PRKRA: variants seen among roughly 807,000 people sequenced by gnomAD.
PRKRA encodes the protein protein activator of interferon induced protein kinase EIF2AK2.
A neutral mutation model predicts 32.4 loss-of-function variants in PRKRA; 22 were observed. The ratio of observed to expected loss-of-function variants is 0.68; its 90% CI spans 0.49 to 0.97. The LOEUF (loss-of-function observed/expected upper bound fraction) is 0.97. PRKRA is among the 50% of genes least tolerant of loss of function. The probability of loss-of-function intolerance (pLI) is 0.00; values close to 1 mark genes in which losing one functional copy is unlikely to be tolerated. For missense variants in PRKRA, 319 were observed against 375.6 expected (o/e 0.85, Z 1.25); for synonymous variants, 139 against 129.8 (o/e 1.07, Z -0.48).
rs1696893119 is a variant in PRKRA at position 178,436,314 on chromosome 2, A to G, written c.615T>C (p.Asn205=). The G allele has an allele frequency of 6.2e-7, 1 of 1,613,326 alleles. No individual in the cohort carries two copies. The highest frequency in any genetic ancestry group is 1.1e-5 in the South Asian group (1 of 91,072). ...TACATCCTAAAGAATGTCCTACTACATTTGTCTGAAAAACAGAGATGAAGA... is the reference window on the plus strand; with the variant it reads ...TACATCCTAAAGAATGTCCTACTACGTTTGTCTGAAAAACAGAGATGAAGA... ...ISPENHISLT[N]VVGHSLGCTW... is the part of the protein sequence containing the mutation. The change falls in exon 7 of 8, where the codon AAT becomes AAC. Residue 205 remains asparagine, a synonymous_variant. Coordinates refer to ENST00000325748, the MANE Select transcript of PRKRA (RefSeq NM_003690.5).
rs1006498767 is a variant in PRKRA at position 178,432,030 on chromosome 2, T to C, written c.*67A>G. On this transcript the variant is annotated 3_prime_UTR_variant, in exon 8 of 8. Coordinates refer to ENST00000325748, the MANE Select transcript of PRKRA (RefSeq NM_003690.5). ...GACATAAACACTACGGTAAAAGTTT[T>C]ACTTGGGAAGGGGCCAGAGGGGAAC... 4 of 1,550,770 alleles carry C rather than the reference T, an allele frequency of 2.6e-6. No individual in the cohort carries two copies. The highest frequency in any genetic ancestry group is 3.5e-6 in the Non-Finnish European group (4 of 1,127,270).
chr2:178,442,951 G>C (rs908149469), intron 5 of PRKRA, among the ~76,000 whole-genome samples: 6 of 152,072 alleles, frequency 3.9e-5, no homozygotes, highest in Non-Finnish European at 7.4e-5. Context: ...AAATCCAAGA[G>C]ATTTACTATA....
At chr2:178,450,931 C>G (rs752727016) in intron 1 of PRKRA, 35 bp downstream of exon 1, 3 of 903,904 alleles carry the variant, frequency 3.3e-6, no homozygotes, top group South Asian at 3.8e-5. Flanking sequence ...GCCCAACGCT[C>G]CCGGCCCTGG....
At chr2:178,440,189 A>G (rs1008746702) in intron 6 of PRKRA, 1 of 152,248 alleles carries the variant, frequency 6.6e-6, no homozygotes, top group Non-Finnish European at 1.5e-5. Context: ...TTCCAAAAGC[A>G]GTAAATGCAG....
At chr2:178,434,017 A>G (rs1382154546) in intron 7 of PRKRA, 3 of 152,144 alleles carry the variant, frequency 2.0e-5, no homozygotes, top group East Asian at 3.8e-4. Context: ...AGTCCTATTC[A>G]TGACATGGGT....
At chr2:178,436,637 T>G (rs1696910086) in intron 6 of PRKRA, among the ~76,000 whole-genome samples, 4 of 152,144 alleles carry the variant, frequency 2.6e-5, no homozygotes, top group Non-Finnish European at 5.9e-5. Context: ...GCACCATAAG[T>G]AAATCCACAA....
At chr2:178,450,069 G>C (rs1559360537) in intron 2 of PRKRA, 173 bp downstream of exon 2, 1 of 862,092 alleles carries the variant, frequency 1.2e-6, no homozygotes, top group Non-Finnish European at 1.9e-6. Context: ...AGAAAATTAG[G>C]AAGAGAATCA....
chr2:178,443,882 G>A (rs1697211954), intron 4 of PRKRA: 1 of 172,584 alleles, frequency 5.8e-6, no homozygotes, highest in Admixed American at 5.5e-5. Flanking sequence ...GGAGACCAAA[G>A]GACTGGCTGA....
intron 1 of PRKRA, 141 bp downstream of exon 1, chr2:178,450,825 G>A: frequency 2.9e-6 from 4 of 1,359,126 alleles, no homozygotes; most frequent in East Asian, 3.1e-5. Context: ...CCGAGAGGGC[G>A]GGGCCGAGCA....
At chr2:178,450,533 G>C in intron 1 of PRKRA, 122 bp from the exon 2 acceptor site, 8 of 1,578,474 alleles carry the variant, frequency 5.1e-6, no homozygotes, top group Non-Finnish European at 6.9e-6. Flanking sequence ...CCGGAGGCCA[G>C]GGCCAGAGCT....
intron 5 of PRKRA, among the ~76,000 whole-genome samples, 195 bp downstream of exon 5, chr2:178,443,070 AAT>A (rs1225379182): frequency 2.0e-5 from 3 of 152,198 alleles, no homozygotes; most frequent in African/African-American, 7.2e-5. Context: ...GATTTTTAAA[AAT>A]ATCAAATTAA....
chr2:178,436,517 T>C (rs995389243), intron 6 of PRKRA, among the ~76,000 whole-genome samples, 198 bp from the exon 7 acceptor site: 1 of 152,252 alleles, frequency 6.6e-6, no homozygotes, highest in Admixed American at 6.5e-5. Flanking sequence ...TATATGTTTT[T>C]AAGAAGCACT....
chr2:178,438,593 C>T (rs750802826), intron 6 of PRKRA, among the ~76,000 whole-genome samples: 1 of 152,070 alleles, frequency 6.6e-6, no homozygotes, highest in African/African-American at 2.4e-5. Context: ...CCAACTCTTC[C>T]TTTTCAGTTT....
Position 178,435,048 on chromosome 2 carries a change from C to G in PRKRA, c.784+1097G>C, listed in dbSNP as rs182255620. On this transcript the variant is annotated intron_variant, in intron 7 of 7. Transcript: ENST00000325748. The stretch of plus-strand genomic sequence containing the variant: ...CCTGGCCAACATGGTGAAACCCCGT[C>G]TCTACTAAAAATGCAAAAATTAGGT... Among the ~76,000 whole-genome samples, 1,165 of 151,898 alleles carry G rather than the reference C, an allele frequency of 7.7e-3. 16 individuals carry two copies. Among genetic ancestry groups the G allele is most frequent in the African/African-American group, 0.027 (1,116 of 41,448 alleles).
rs1697127471 is a variant in PRKRA, at chr2:178,441,850, T to G, written c.515-146A>C. 5.6e-6 allele frequency: 4 copies of G among 708,958 alleles called. No individual in the cohort carries two copies. In the South Asian group the frequency reaches 6.7e-5, roughly 12 times the overall value. 43.9% of individuals were successfully genotyped at this position (708,958 alleles called of 1,614,324 possible). A position where few individuals can be genotyped will look rare whatever the true frequency, so the allele number is the denominator to read the frequency against. On this transcript the variant is annotated intron_variant, in intron 5 of 7. Coordinates refer to ENST00000325748, the MANE Select transcript of PRKRA (RefSeq NM_003690.5). ...TATGTTCTTACTGACCTGATAACTTTGTTTGTTATGCTATTTTGTTTGTAT... is the reference window on the plus strand; with the variant it reads ...TATGTTCTTACTGACCTGATAACTTGGTTTGTTATGCTATTTTGTTTGTAT...
chr2:178,438,957 A>C (rs1697014208), intron 6 of PRKRA: 1 of 152,182 alleles, frequency 6.6e-6, no homozygotes, highest in African/African-American at 2.4e-5. Flanking sequence ...TGCTGGGATT[A>C]CAGGCGTGAG....
At chr2:178,439,470 TC>T (rs1388144823) in intron 6 of PRKRA, 1 of 152,246 alleles carries the variant, frequency 6.6e-6, no homozygotes, top group African/African-American at 2.4e-5. Context: ...AATTTCATAA[TC>T]AGTTACCTTG....
At chr2:178,450,488 C>T (rs1697540037) in intron 1 of PRKRA, 77 bp from the exon 2 acceptor site, 9 of 1,343,102 alleles carry the variant, frequency 6.7e-6, no homozygotes, top group Non-Finnish European at 8.8e-6. Flanking sequence ...CAGTTTTAAC[C>T]GCCACCGACG....
intron 1 of PRKRA, 136 bp from the exon 2 acceptor site, chr2:178,450,547 G>A (rs1697547677): frequency 3.9e-6 from 6 of 1,552,858 alleles, no homozygotes; most frequent in Non-Finnish European, 5.2e-6. Flanking sequence ...CAGAGCTGGC[G>A]AGGCTGGGGC....
Sources: gnomAD v4.1 joint callset for allele counts (sites outside exome capture counted in the v4.1 genomes callset) on GRCh38, gnomAD v4.1.1 for gene constraint, MANE v1.5 for transcripts, NCBI Gene and HGNC (gene_info 2026-07-23, HGNC 2026-07-21) for gene names.